The following ERAP1 variants were observed in gnomAD, a reference collection of about 807,000 sequenced individuals.
ERAP1 encodes the protein endoplasmic reticulum aminopeptidase 1.
Under a neutral mutation model 103.7 loss-of-function variants are expected in ERAP1, and 86 were observed. The ratio of observed to expected loss-of-function variants is 0.83; its 90% confidence interval spans 0.70 to 0.99. ERAP1 has a LOEUF of 0.99. Among genes scored for constraint, ERAP1 ranks in the 50% least tolerant of loss-of-function variants. The probability of loss-of-function intolerance (pLI) is 0.00; values close to 1 mark genes in which losing one functional copy is unlikely to be tolerated. For missense variants in ERAP1, 1,009 were observed against 1,128.4 expected (o/e 0.89, Z 1.52); for synonymous variants, 398 against 402.4 (o/e 0.99, Z 0.13).
At chr5:96,770,514 C>G (rs572305303), downstream of ERAP1, 8 of 1,585,990 alleles carry the variant, frequency 5.0e-6, no homozygotes, top group East Asian at 1.8e-4. Flanking sequence ...AGCCTCATTA[C>G]ATTTCCTTTG....
At chr5:96,934,116 A>C in the ERAP1 span, 1 of 152,240 alleles carries the variant, frequency 6.6e-6, no homozygotes, top group Non-Finnish European at 1.5e-5. Flanking sequence ...TTTATTGTAT[A>C]CTTACCCAGG....
intron 5 of ERAP1, 103 bp from the exon 6 acceptor site, chr5:96,794,060 A>C: frequency 1.7e-6 from 2 of 1,143,158 alleles, no homozygotes; most frequent in Non-Finnish European, 2.6e-6. Flanking sequence ...CTGCCCGTGC[A>C]TAATCATGGA....
At chr5:96,823,350 A>T in the ERAP1 span, among the ~76,000 whole-genome samples, 1 of 152,162 alleles carries the variant, frequency 6.6e-6, no homozygotes, top group Non-Finnish European at 1.5e-5. Context: ...GGTACCAAAA[A>T]TATTTGATGG....
intron 19 of ERAP1, chr5:96,767,326 A>T: frequency 1.3e-6 from 1 of 783,848 alleles, no homozygotes. Context: ...TTGCAAGTCT[A>T]CACTCCATTT....
At chr5:96,845,261 G>A in the ERAP1 span, among the ~76,000 whole-genome samples, 7 of 151,618 alleles carry the variant, frequency 4.6e-5, no homozygotes, top group South Asian at 2.1e-4. Context: ...TTGAGACAGC[G>A]TCTCCCTCTG....
the ERAP1 span, chr5:96,892,174 T>C: frequency 1.1e-5 from 10 of 903,058 alleles, no homozygotes; most frequent in Non-Finnish European, 1.7e-5. Context: ...GTTAAGATAT[T>C]CTTGATGTTT....
the ERAP1 span, among the ~76,000 whole-genome samples, chr5:96,932,730 T>C: frequency 6.6e-6 from 1 of 152,240 alleles, no homozygotes; most frequent in Admixed American, 6.5e-5. Context: ...AATATCCCTA[T>C]ATTCATTGAT....
chr5:96,776,665 C>T, intron 18 of ERAP1, 114 bp from the exon 19 acceptor site: 1 of 1,447,940 alleles, frequency 6.9e-7, no homozygotes, highest in Non-Finnish European at 9.3e-7. Context: ...ATATAGAAGG[C>T]AGTCCCAGCT....
the ERAP1 span, among the ~76,000 whole-genome samples, chr5:96,882,488 T>C: frequency 6.6e-6 from 1 of 152,244 alleles, no homozygotes; most frequent in East Asian, 1.9e-4. Context: ...TTGAATCTTA[T>C]GAATCTCTCT....
the ERAP1 span, among the ~76,000 whole-genome samples, chr5:96,891,445 GTA>G: frequency 8.4e-5 from 12 of 142,306 alleles, no homozygotes; most frequent in African/African-American, 3.2e-4. Context: ...ACATATATAT[GTA>G]TATACACACA....
downstream of ERAP1, chr5:96,771,871 G>T: frequency 2.2e-6 from 1 of 448,244 alleles, no homozygotes; most frequent in South Asian, 5.6e-5. Context: ...TTCTCTGAAA[G>T]CACTAAATGG....
chr5:96,830,619 C>T, the ERAP1 span, among the ~76,000 whole-genome samples: 45 of 152,220 alleles, frequency 3.0e-4, no homozygotes, highest in East Asian at 7.1e-3. Context: ...ATTCAGCAAA[C>T]GAGCATGTAG....
the ERAP1 span, among the ~76,000 whole-genome samples, chr5:96,838,294 A>T: frequency 2.5e-4 from 38 of 152,128 alleles, no homozygotes; most frequent in African/African-American, 8.9e-4. Context: ...GTCCAGCCAG[A>T]GCTTCAGGCT....
intron 1 of ERAP1, among the ~76,000 whole-genome samples, chr5:96,805,291 C>A (rs1335293664): frequency 2.7e-5 from 4 of 150,906 alleles, no homozygotes; most frequent in Admixed American, 6.6e-5. Context: ...AAACTGGAAC[C>A]TATGGTGATA....
chr5:96,829,003 C>T, the ERAP1 span, among the ~76,000 whole-genome samples: 42 of 152,246 alleles, frequency 2.8e-4, 1 homozygote, highest in East Asian at 7.3e-3. Flanking sequence ...CACACCACCA[C>T]ACCCAGCTAA....
intron 18 of ERAP1, chr5:96,777,010 T>G (rs560429177): frequency 1.3e-5 from 2 of 157,578 alleles, no homozygotes; most frequent in African/African-American, 4.8e-5. Flanking sequence ...AGAAACACTG[T>G]GGGGAATGGG....
intron 3 of ERAP1, 38 bp from the exon 4 acceptor site, chr5:96,797,347 T>G: frequency 6.2e-7 from 1 of 1,603,910 alleles, no homozygotes; most frequent in Non-Finnish European, 8.5e-7. Flanking sequence ...AGTAATCCAA[T>G]TATCCAATAC....
Position 96,803,519 on chromosome 5 carries a change from G to C in ERAP1, c.408C>G (p.Pro136=), listed in dbSNP as rs113481697. 13 of 1,613,388 alleles carry C rather than the reference G, an allele frequency of 8.1e-6. No individual in the cohort carries two copies. The highest frequency in any genetic ancestry group is 5.3e-5 in the African/African-American group (4 of 74,988). The change falls in exon 2 of 19, where the codon CCC becomes CCG. Residue 136 remains proline (P), a synonymous_variant. Coordinates refer to ENST00000443439, the MANE Select transcript of ERAP1 (RefSeq NM_001040458.3). ...PRQEQIALLA[P]EPLLVGLPYT... ...ACGGGAGCCCGACAAGGAGGGGCTC[G>C]GGAGCCAGCAGTGCAATTTGCTCCT...
chr5:96,895,029 CA>C, the ERAP1 span, among the ~76,000 whole-genome samples: 2 of 147,172 alleles, frequency 1.4e-5, no homozygotes, highest in African/African-American at 5.0e-5. Context: ...TGAGAACACA[CA>C]AAAAAAAGAA....
Sources: gnomAD v4.1 joint callset for allele counts (sites outside exome capture counted in the v4.1 genomes callset) on GRCh38, gnomAD v4.1.1 for gene constraint, MANE v1.5 for transcripts, NCBI Gene and HGNC (gene_info 2026-07-23, HGNC 2026-07-21) for gene names.